BANF2: variants seen among roughly 807,000 people sequenced by gnomAD.
BANF2 encodes the protein BANF family member 2, also known as barrier-to-autointegration factor-like protein.
A neutral mutation model predicts 8.0 loss-of-function variants in BANF2; 4 were observed. The observed-to-expected ratio is 0.50, with a 90% CI of 0.25 to 1.14. The LOEUF is 1.14. Among genes scored for constraint, BANF2 ranks in the 50% most tolerant of loss-of-function variants. BANF2 has a pLI of 0.16. For synonymous variants in BANF2, 50 were observed against 40.6 expected (o/e 1.23, Z -0.88); for missense variants, 96 against 107.5 (o/e 0.89, Z 0.47).
At chr20:17,722,366 C>A (rs1168091666) in intron 1 of BANF2, among the ~76,000 whole-genome samples, 1 of 152,168 alleles carries the variant, frequency 6.6e-6, no homozygotes, top group Non-Finnish European at 1.5e-5. Context: ...TAACAGATGG[C>A]CAGCATGGAT....
chr20:17,693,713 C>A, intron 1 of BANF2: 1 of 1,551,494 alleles, frequency 6.4e-7, no homozygotes, highest in Non-Finnish European at 8.7e-7. Flanking sequence ...AAAGGTAAGG[C>A]AGATTGGTCT....
chr20:17,721,449 T>C (rs969239553), intron 1 of BANF2, among the ~76,000 whole-genome samples: 5 of 151,824 alleles, frequency 3.3e-5, no homozygotes, highest in African/African-American at 1.2e-4. Context: ...TGGAGTGCAG[T>C]GGCGCAATCT....
chr20:17,707,050 C>T (rs1222835689), intron 1 of BANF2, among the ~76,000 whole-genome samples: 1 of 152,072 alleles, frequency 6.6e-6, no homozygotes, highest in Non-Finnish European at 1.5e-5. Flanking sequence ...GATGGGTTTG[C>T]AAGCACTGGA....
chr20:17,717,079 C>G (rs1176501469), intron 1 of BANF2, among the ~76,000 whole-genome samples: 1 of 152,158 alleles, frequency 6.6e-6, no homozygotes, highest in East Asian at 1.9e-4. Context: ...GAAACTGCAA[C>G]TCTGGAGAGT....
intron 3 of BANF2, among the ~76,000 whole-genome samples, chr20:17,727,841 C>T (rs763598018): frequency 4.6e-5 from 7 of 152,104 alleles, no homozygotes; most frequent in Admixed American, 2.0e-4. Flanking sequence ...TCATCCTGGG[C>T]GCAGCCTCCA....
chr20:17,717,696 A>T (rs2037675745), intron 1 of BANF2, among the ~76,000 whole-genome samples: 1 of 152,248 alleles, frequency 6.6e-6, no homozygotes, highest in Admixed American at 6.5e-5. Context: ...AAGTTCCAAA[A>T]GAAATATATC....
intron 1 of BANF2, among the ~76,000 whole-genome samples, chr20:17,710,621 C>T (rs2037555940): frequency 6.6e-6 from 1 of 152,294 alleles, no homozygotes; most frequent in South Asian, 2.1e-4. Flanking sequence ...GACCTTCTTT[C>T]CATGTGAGCA....
Position 17,722,959 on chromosome 20 carries a change from G to A in BANF2, c.-4+81G>A, listed in dbSNP as rs78069162. On this transcript the variant is annotated intron_variant, in intron 2 of 3. Coordinates refer to ENST00000246090, the MANE Select transcript of BANF2 (RefSeq NM_178477.5). ...GATGCACCTGATCATTTACGTCATC[G>A]AATGCTTACCATGTCCTCAGCAGAG... The A allele has an allele frequency of 1.1e-3, 953 of 872,448 alleles. 9 individuals are homozygous for A. In the African/African-American group the frequency reaches 0.017, roughly 15 times the overall value. 54.0% of individuals were successfully genotyped at this position (872,448 alleles called of 1,614,324 possible). A position where few individuals can be genotyped will look rare whatever the true frequency, so the allele number is the denominator to read the frequency against.
At chr20:17,725,252 T>C in intron 3 of BANF2, 101 bp downstream of exon 3, 1 of 1,412,910 alleles carries the variant, frequency 7.1e-7, no homozygotes, top group East Asian at 2.3e-5. Context: ...TGAAGGGCCA[T>C]CAGAGAGCAA....
intron 1 of BANF2, among the ~76,000 whole-genome samples, chr20:17,722,411 G>A (rs1308198458): frequency 2.0e-5 from 3 of 152,298 alleles, no homozygotes; most frequent in South Asian, 4.2e-4. Context: ...AAGGCAGAGC[G>A]GCTCATGAGA....
chr20:17,706,417 G>T lies in BANF2; in HGVS notation c.-167+6362G>T, dbSNP rs547831182. 5.3e-5 allele frequency among the ~76,000 whole-genome samples: 8 copies of T among 152,314 alleles called. No homozygotes were observed. In the South Asian group the frequency reaches 1.7e-3, roughly 32 times the overall value. ...TGTTGGTTAGTTGGCTGAACTCACA[G>T]GTATGAGCTTAACACGAAGGATTCA... On this transcript the variant is annotated intron_variant, in intron 1 of 3. Transcript: ENST00000246090.
At chr20:17,701,856 G>A (rs185019267) in intron 1 of BANF2, among the ~76,000 whole-genome samples, 5 of 152,330 alleles carry the variant, frequency 3.3e-5, no homozygotes, top group African/African-American at 9.6e-5. Context: ...AACAAATGGA[G>A]GAGCCAGTTC....
chr20:17,707,736 C>T (rs145759011), intron 1 of BANF2, among the ~76,000 whole-genome samples: 2,267 of 152,054 alleles, frequency 0.015, 64 homozygotes, highest in African/African-American at 0.052. Flanking sequence ...TGTGCCACCA[C>T]ACCCGGCTAA....
upstream of BANF2, among the ~76,000 whole-genome samples, chr20:17,697,497 A>G (rs1294030984): frequency 2.0e-5 from 3 of 152,244 alleles, no homozygotes; most frequent in Non-Finnish European, 2.9e-5. Flanking sequence ...ATTCTGAATT[A>G]TACCAAGCCA....
rs2037966672 is a variant in BANF2, at chr20:17,735,661, C to T, written c.127-4C>T. The T allele has an allele frequency of 6.2e-7, 1 of 1,613,178 alleles. No homozygotes were observed. The highest frequency in any genetic ancestry group is 8.5e-7 in the Non-Finnish European group (1 of 1,179,508). ...CTTTCCTCCCTGTCTCATCCCCTCC[C>T]CAGGCCTACATCCTGCTGGGACAAT... On this transcript the variant is annotated splice_region_variant and splice_polypyrimidine_tract_variant and intron_variant, in intron 3 of 3. Transcript: ENST00000246090.
intron 1 of BANF2, among the ~76,000 whole-genome samples, chr20:17,717,426 A>G (rs1390089801): frequency 6.6e-6 from 1 of 152,116 alleles, no homozygotes; most frequent in East Asian, 1.9e-4. Context: ...TTAATAAAGG[A>G]TGTCAGTGCT....
At chr20:17,696,253 C>A (rs2037345430), upstream of BANF2, among the ~76,000 whole-genome samples, 1 of 152,188 alleles carries the variant, frequency 6.6e-6, no homozygotes, top group African/African-American at 2.4e-5. Context: ...GATCCTCCTA[C>A]CTTGGCCTCC....
At position 17,727,113 on chromosome 20, in the gene BANF2, A is replaced by T. The variant is rs545864884; in HGVS notation, c.126+1962A>T. On this transcript the variant is annotated intron_variant, in intron 3 of 3. Coordinates refer to ENST00000246090, the MANE Select transcript of BANF2 (RefSeq NM_178477.5). ...TAGGTGGGTGGGTTTTAGAACAAAA[A>T]ATGAATGAATAATGGAAAAATGTTA... 9.2e-5 allele frequency among the ~76,000 whole-genome samples: 14 copies of T among 152,172 alleles called. No homozygotes were observed. In the East Asian group the frequency reaches 2.7e-3, roughly 29 times the overall value.
In BANF2 at chr20:17,708,856, CAG is replaced by C. The variant is rs375724820; in HGVS notation, c.-167+8803_-167+8804del. On this transcript the variant is annotated intron_variant, in intron 1 of 3. Coordinates refer to ENST00000246090, the MANE Select transcript of BANF2 (RefSeq NM_178477.5). ...ACACCACCCTTCCCAGGCCCAGAAA[CAG>C]ATTCTTTTCCTCCTAAGGAATGCGT... Among the ~76,000 whole-genome samples, 471 of 152,296 alleles carry C rather than the reference CAG, an allele frequency of 3.1e-3. 2 individuals are homozygous for C. The highest frequency in any genetic ancestry group is 0.011 in the African/African-American group (453 of 41,562).
Sources: allele counts gnomAD v4.1 joint callset (sites outside exome capture counted in the v4.1 genomes callset), GRCh38; gene constraint gnomAD v4.1.1; transcripts MANE v1.5; gene names NCBI Gene and HGNC (gene_info 2026-07-23, HGNC 2026-07-21).